The following CTNNBIP1 variants were observed in gnomAD, a reference collection of about 807,000 sequenced individuals.
The protein encoded by CTNNBIP1 is beta-catenin-interacting protein 1.
Under a neutral mutation model 11.8 loss-of-function variants are expected in CTNNBIP1, and 7 were observed. The observed-to-expected ratio is 0.60, with a 90% CI of 0.34 to 1.12. The LOEUF (loss-of-function observed/expected upper bound fraction) is 1.12, where lower values mean the gene tolerates loss of function less well. Ranked by LOEUF, CTNNBIP1 falls within the 50% of genes most tolerant of loss-of-function variation. The pLI is 0.03. For missense variants in CTNNBIP1, 101 were observed against 113.4 expected (o/e 0.89, Z 0.50); for synonymous variants, 58 against 43.9 (o/e 1.32, Z -1.26).
At chr1:9,882,457 A>G (rs988696672) in intron 2 of CTNNBIP1, among the ~76,000 whole-genome samples, 3 of 151,914 alleles carry the variant, frequency 2.0e-5, no homozygotes, top group African/African-American at 7.3e-5. Flanking sequence ...CCTGGAGGAG[A>G]AGGAGGAGTT....
intron 5 of CTNNBIP1, among the ~76,000 whole-genome samples, chr1:9,856,044 A>AT (rs1638495944): frequency 6.6e-6 from 1 of 152,166 alleles, no homozygotes; most frequent in Non-Finnish European, 1.5e-5. Context: ...GCTACTCGGG[A>AT]AGCTGAGGCA....
At chr1:9,892,678 A>G (rs572416631) in intron 1 of CTNNBIP1, among the ~76,000 whole-genome samples, 1 of 152,274 alleles carries the variant, frequency 6.6e-6, no homozygotes, top group Non-Finnish European at 1.5e-5. Flanking sequence ...TTGCATAAAG[A>G]TATAGGTGTA....
At chr1:9,874,648 AC>A (rs1402727291) in intron 3 of CTNNBIP1, among the ~76,000 whole-genome samples, 1 of 152,014 alleles carries the variant, frequency 6.6e-6, no homozygotes, top group Non-Finnish European at 1.5e-5. Context: ...TGCTGTGCTC[AC>A]CCCTGTCCTC....
At chr1:9,854,456 T>C (rs1006911938) in intron 5 of CTNNBIP1, among the ~76,000 whole-genome samples, 3 of 151,870 alleles carry the variant, frequency 2.0e-5, no homozygotes, top group Non-Finnish European at 2.9e-5. Flanking sequence ...CCACAGCTCT[T>C]ATCATATTTG....
chr1:9,900,622 A>AC (rs1639504162), intron 1 of CTNNBIP1, among the ~76,000 whole-genome samples: 1 of 152,150 alleles, frequency 6.6e-6, no homozygotes, highest in African/African-American at 2.4e-5. Context: ...GCAGCAGCAG[A>AC]CCTCAGGAGG....
Position 9,850,406 on chromosome 1 carries a change from C to T in CTNNBIP1, c.*312G>A, listed in dbSNP as rs141822086. Reference sequence around the variant, plus strand: ...CTTCCAGGGAAGCCAGATACCGAGGCGCAAATTTTTTAAAAAATAAGAGTC... The same window carrying T: ...CTTCCAGGGAAGCCAGATACCGAGGTGCAAATTTTTTAAAAAATAAGAGTC... On this transcript the variant is annotated 3_prime_UTR_variant, in exon 6 of 6. Transcript: ENST00000377263. The T allele has an allele frequency of 1.9e-3, 482 of 251,870 alleles. 2 individuals carry two copies. Among genetic ancestry groups the T allele is most frequent in the African/African-American group, 0.01 (462 of 44,804 alleles). 15.6% of individuals were successfully genotyped at this position (251,870 alleles called of 1,614,324 possible).
intron 2 of CTNNBIP1, among the ~76,000 whole-genome samples, chr1:9,880,966 A>G (rs565207532): frequency 6.6e-6 from 1 of 152,310 alleles, no homozygotes; most frequent in South Asian, 2.1e-4. Flanking sequence ...AGGCCTGGAC[A>G]GTCACACATG....
At chr1:9,902,802 A>G (rs1484118090) in intron 1 of CTNNBIP1, among the ~76,000 whole-genome samples, 1 of 150,226 alleles carries the variant, frequency 6.7e-6, no homozygotes, top group Non-Finnish European at 1.5e-5. Flanking sequence ...GTCTCACTCT[A>G]TTGCCCAGGC....
chr1:9,889,313 T>G (rs1312845256), intron 1 of CTNNBIP1, among the ~76,000 whole-genome samples: 1 of 152,204 alleles, frequency 6.6e-6, no homozygotes, highest in Admixed American at 6.5e-5. Context: ...AATGTGGCAA[T>G]ATCTAGAGAC....
At position 9,871,390 on chromosome 1, in the gene CTNNBIP1, G is replaced by A. The variant is rs1638858466; in HGVS notation, c.97-113C>T. The A allele has an allele frequency of 1.1e-5, 9 of 783,540 alleles. No homozygotes were observed. Among genetic ancestry groups the A allele is most frequent in the Non-Finnish European group, 1.5e-5 (7 of 473,410 alleles). 48.5% of individuals were successfully genotyped at this position (783,540 alleles called of 1,614,324 possible). A position where few individuals can be genotyped will look rare whatever the true frequency, so the allele number is the denominator to read the frequency against. On this transcript the variant is annotated intron_variant, in intron 4 of 5. Transcript: ENST00000377263. This position sits in a 1 kb window ranked among gnomAD's most constrained non-coding sequence, Gnocchi z 5.2. ...CTTGGTCCCTGCTTGGTCCCTGCTCGGGCTTCTGTTTCTGAGATTTGACCC... is the reference window on the plus strand; with the variant it reads ...CTTGGTCCCTGCTTGGTCCCTGCTCAGGCTTCTGTTTCTGAGATTTGACCC...
chr1:9,888,967 G>A (rs1030823709), intron 1 of CTNNBIP1, among the ~76,000 whole-genome samples: 6 of 152,230 alleles, frequency 3.9e-5, no homozygotes, highest in Non-Finnish European at 5.9e-5. Flanking sequence ...CAGCTGAGCC[G>A]CCTACCTACT....
intron 1 of CTNNBIP1, among the ~76,000 whole-genome samples, chr1:9,890,185 C>A (rs1342442688): frequency 6.6e-6 from 1 of 152,156 alleles, no homozygotes; most frequent in Non-Finnish European, 1.5e-5. Context: ...TTTACAGAGG[C>A]AAGAGTACCT....
intron 3 of CTNNBIP1, among the ~76,000 whole-genome samples, chr1:9,874,080 G>A (rs535942650): frequency 2.0e-5 from 3 of 152,140 alleles, no homozygotes; most frequent in South Asian, 2.1e-4. Context: ...CCAGGGCTCC[G>A]CTGTCAGCCC....
intron 3 of CTNNBIP1, among the ~76,000 whole-genome samples, chr1:9,874,579 G>T (rs181425379): frequency 0.012 from 1,808 of 152,150 alleles, 16 homozygotes; most frequent in Admixed American, 0.018. Flanking sequence ...AAAGTGCCCT[G>T]TTGGAGAACT....
At chr1:9,889,939 T>C (rs1458712931) in intron 1 of CTNNBIP1, among the ~76,000 whole-genome samples, 5 of 152,170 alleles carry the variant, frequency 3.3e-5, no homozygotes, top group Admixed American at 2.6e-4. Flanking sequence ...TAGCCACAAC[T>C]GGGGCTCCTC....
chr1:9,858,970 T>C (rs1034907732), intron 5 of CTNNBIP1, among the ~76,000 whole-genome samples: 1 of 152,096 alleles, frequency 6.6e-6, no homozygotes, highest in Non-Finnish European at 1.5e-5. Flanking sequence ...CCTAGCATCT[T>C]AGTTCCATCT....
chr1:9,869,584 C>T (rs780070924), intron 5 of CTNNBIP1, among the ~76,000 whole-genome samples: 2 of 152,172 alleles, frequency 1.3e-5, no homozygotes, highest in Non-Finnish European at 2.9e-5. Context: ...CTTGGCCTCC[C>T]AAAATGCTGG....
rs146874654 is a variant in CTNNBIP1 at position 9,862,689 on chromosome 1, C to T, written c.187+8498G>A. On this transcript the variant is annotated intron_variant, in intron 5 of 5. Coordinates refer to ENST00000377263, the MANE Select transcript of CTNNBIP1 (RefSeq NM_020248.3). ...CCACCGGTTTCTCTACACGCACATC[C>T]GCATGCATTCTCCAAGGCCCCGTGC... Among the ~76,000 whole-genome samples the T allele has an allele frequency of 3.1e-3, 476 of 152,318 alleles. 1 individual carries two copies. The highest frequency in any genetic ancestry group is 0.01 in the Middle Eastern group (3 of 294).
At chr1:9,856,510 A>G (rs1034770657) in intron 5 of CTNNBIP1, among the ~76,000 whole-genome samples, 1 of 148,286 alleles carries the variant, frequency 6.7e-6, no homozygotes, top group Non-Finnish European at 1.5e-5. Flanking sequence ...TACGTAAAAA[A>G]TTCTTTTTTT....
Sources: gnomAD v4.1 joint callset for allele counts (sites outside exome capture counted in the v4.1 genomes callset) on GRCh38, gnomAD v4.1.1 for gene constraint, Gnocchi (gnomAD v3.1) non-coding constraint, MANE v1.5 for transcripts, NCBI Gene and HGNC (gene_info 2026-07-23, HGNC 2026-07-21) for gene names.